The following PIK3R1 variants were observed in gnomAD, a reference collection of about 807,000 sequenced individuals.
The protein encoded by PIK3R1 is phosphoinositide-3-kinase regulatory subunit 1, also known as phosphatidylinositol 3-kinase regulatory subunit alpha.
Under a neutral mutation model 98.0 loss-of-function variants are expected in PIK3R1, and 29 were observed. That is an observed-to-expected ratio of 0.30 (90% CI 0.22 to 0.40). The LOEUF is 0.40. Ranked by LOEUF, PIK3R1 falls within the 10% of genes least tolerant of loss-of-function variation. The probability of loss-of-function intolerance (pLI) is 1.00; values close to 1 mark genes in which losing one functional copy is unlikely to be tolerated. For synonymous variants in PIK3R1, 282 were observed against 311.8 expected, an observed-to-expected ratio of 0.90 and a Z score of 1.01; for missense variants, 596 against 872.7, an observed-to-expected ratio of 0.68 and a Z score of 3.99.
At chr5:68,216,524 G>C (rs1170160645) in intron 1 of PIK3R1, among the ~76,000 whole-genome samples, 1 of 152,212 alleles carries the variant, frequency 6.6e-6, no homozygotes, top group Non-Finnish European at 1.5e-5. Context: ...CTCCTCTTCC[G>C]GGGTGGGGGA....
At chr5:68,292,649 A>G (rs1452293663) in intron 8 of PIK3R1, 1 of 1,351,302 alleles carries the variant, frequency 7.4e-7, no homozygotes, top group East Asian at 3.3e-5. Context: ...CTATCTATTA[A>G]GCACAACTCT....
chr5:68,261,854 A>G (rs538673720), intron 2 of PIK3R1, among the ~76,000 whole-genome samples: 1 of 152,326 alleles, frequency 6.6e-6, no homozygotes, highest in African/African-American at 2.4e-5. Flanking sequence ...GATAGAACAA[A>G]ATGTACAAAC....
chr5:68,237,544 C>G (rs555046176), intron 2 of PIK3R1, among the ~76,000 whole-genome samples: 2 of 150,626 alleles, frequency 1.3e-5, no homozygotes, highest in East Asian at 3.9e-4. Context: ...GCCAGCAGAA[C>G]TTCTCGAATG....
At chr5:68,259,458 A>G (rs1414335310) in intron 2 of PIK3R1, among the ~76,000 whole-genome samples, 1 of 152,218 alleles carries the variant, frequency 6.6e-6, no homozygotes, top group Non-Finnish European at 1.5e-5. Flanking sequence ...ATGAATGATC[A>G]GCTGCTAGAA....
In PIK3R1 at chr5:68,299,893, G is replaced by A; in HGVS notation, c.*2292G>A. 1 of 233,194 alleles carries A rather than the reference G, an allele frequency of 4.3e-6. No homozygotes were observed. Among genetic ancestry groups the A allele is most frequent in the Non-Finnish European group, 8.5e-6 (1 of 118,006 alleles). The allele number at this position is 233,194 out of a possible 1,614,324, so 14.4% of individuals were successfully genotyped here. A position where few individuals can be genotyped will look rare whatever the true frequency, so the allele number is the denominator to read the frequency against. On this transcript the variant is annotated 3_prime_UTR_variant, in exon 16 of 16. Coordinates refer to ENST00000521381, the MANE Select transcript of PIK3R1 (RefSeq NM_181523.3). ...ATTTCCCTCTCATCGCCAGACAACT[G>A]ACGATTTCCCTGGTTTTAGTCTGCG...
At chr5:68,244,843 T>G (rs1337684368) in intron 2 of PIK3R1, among the ~76,000 whole-genome samples, 1 of 152,210 alleles carries the variant, frequency 6.6e-6, no homozygotes, top group African/African-American at 2.4e-5. Context: ...ATCTATGATA[T>G]TCCATCTCAT....
intron 8 of PIK3R1, chr5:68,292,655 ACT>A: frequency 7.5e-7 from 1 of 1,332,118 alleles, no homozygotes; most frequent in African/African-American, 1.5e-5. Flanking sequence ...ATTAAGCACA[ACT>A]CTAAGAATTC....
rs927358569 is a variant in PIK3R1 at position 68,301,501 on chromosome 5, T to C, written c.*3900T>C. On this transcript the variant is annotated 3_prime_UTR_variant, in exon 16 of 16. Transcript: ENST00000521381. The stretch of plus-strand genomic sequence containing the variant: ...ACATATATGTATATATATGCACATA[T>C]ATATATGTATTTAAAAAAATCAAAA... 4.1e-5 allele frequency: 6 copies of C among 146,526 alleles called. No individual in the cohort carries two copies. The highest frequency in any genetic ancestry group is 1.4e-4 in the Admixed American group (2 of 14,252). The allele number at this position is 146,526 out of a possible 1,614,324, so 9.1% of individuals were successfully genotyped here. A position where few individuals can be genotyped will look rare whatever the true frequency, so the allele number is the denominator to read the frequency against.
chr5:68,230,859 G>A lies in PIK3R1; in HGVS notation c.334+3850G>A, dbSNP rs1004613094. On this transcript the variant is annotated intron_variant, in intron 2 of 15. Transcript: ENST00000521381. ...AGTAGAGCCCTATGTTATGTTCTTC[G>A]GAGAGAACCTCTTCCATGTTTTGTT... Among the ~76,000 whole-genome samples the A allele has an allele frequency of 5.9e-5, 9 of 152,144 alleles. No homozygotes were observed. In the East Asian group the frequency reaches 7.7e-4, roughly 13 times the overall value.
chr5:68,268,595 TAC>T (rs1394505088), intron 2 of PIK3R1, among the ~76,000 whole-genome samples: 1 of 152,214 alleles, frequency 6.6e-6, no homozygotes, highest in Non-Finnish European at 1.5e-5. Context: ...ACTTTGCATA[TAC>T]ACTTTCTTTT....
chr5:68,259,257 G>C (rs1377545349), intron 2 of PIK3R1, among the ~76,000 whole-genome samples: 1 of 152,062 alleles, frequency 6.6e-6, no homozygotes, highest in African/African-American at 2.4e-5. Flanking sequence ...GGATATGTGG[G>C]GTTAAATAAA....
intron 2 of PIK3R1, among the ~76,000 whole-genome samples, chr5:68,265,528 G>A (rs1353347095): frequency 6.6e-6 from 1 of 152,146 alleles, no homozygotes; most frequent in African/African-American, 2.4e-5. Flanking sequence ...TCTCACATGG[G>A]AAGGGTGGGG....
At chr5:68,243,751 G>A (rs186932054) in intron 2 of PIK3R1, among the ~76,000 whole-genome samples, 2 of 152,278 alleles carry the variant, frequency 1.3e-5, no homozygotes, top group East Asian at 3.9e-4. Flanking sequence ...GTGGATCACG[G>A]GCAGAAACAA....
At chr5:68,267,086 G>T (rs926885846) in intron 2 of PIK3R1, among the ~76,000 whole-genome samples, 2 of 152,274 alleles carry the variant, frequency 1.3e-5, no homozygotes, top group East Asian at 1.9e-4. Flanking sequence ...TATTTTTCTG[G>T]TGAGGAGAGG....
At chr5:68,263,317 G>GT (rs5868529) in intron 2 of PIK3R1, among the ~76,000 whole-genome samples, 3 of 148,558 alleles carry the variant, frequency 2.0e-5, no homozygotes, top group Admixed American at 1.3e-4. Context: ...GTGTGTTGTT[G>GT]TTTTTTTTTA....
intron 2 of PIK3R1, among the ~76,000 whole-genome samples, chr5:68,229,131 G>C (rs1026394250): frequency 1.4e-4 from 4 of 29,144 alleles, no homozygotes; most frequent in Admixed American, 6.4e-4. Flanking sequence ...GAGAGTGTTG[G>C]GGGGGGGTCA....
rs943126366 is a variant in PIK3R1 at position 68,292,727 on chromosome 5, A to G, written c.1019+366A>G. 9.4e-6 allele frequency: 12 copies of G among 1,270,922 alleles called. No individual in the cohort carries two copies. In the Admixed American group the frequency reaches 3.7e-4, roughly 39 times the overall value. The allele number at this position is 1,270,922 out of a possible 1,614,324, so 78.7% of individuals were successfully genotyped here. A position where few individuals can be genotyped will look rare whatever the true frequency, so the allele number is the denominator to read the frequency against. ...TATGTTAGCTTTGGGAAGGGGGAGT[A>G]AGGTTGGAGAAACTCTTTTGAGATC... On this transcript the variant is annotated intron_variant, in intron 8 of 15. Coordinates refer to ENST00000521381, the MANE Select transcript of PIK3R1 (RefSeq NM_181523.3).
rs2112258725 is a variant in PIK3R1 at position 68,293,402 on chromosome 5, C to G, written c.1218C>G (p.Asn406Lys). 3.7e-6 allele frequency: 6 copies of G among 1,613,420 alleles called. No homozygotes were observed. Among genetic ancestry groups the G allele is most frequent in the Non-Finnish European group, 4.2e-6 (5 of 1,179,460 alleles). ...TCAGTTCTGTGGTTGAATTAATAAA[C>G]CACTACCGGAATGAATCTCTAGCTC... is the stretch of plus-strand genomic sequence containing the variant. ...LTFSSVVELI[N>K]HYRNESLAQY... is the part of the protein sequence containing the mutation. Residue 406 changes from asparagine to lysine, a missense_variant, in exon 10 of 16, where the codon AAC (asparagine) becomes AAG (lysine). By Grantham distance (94) the Asn-to-Lys change is moderately conservative. This residue lies in a region of PIK3R1 where 37 missense variants were observed against 118.0 expected (regional missense o/e 0.31). Transcript: ENST00000521381.
rs143920253 is a variant in PIK3R1, at chr5:68,288,636, G to C, written c.917-3623G>C. ...GCACTGCCTGCCGGGAACAGGCTGG[G>C]GGGAGGTGCGGGGGCTTGGCCCACT... On this transcript the variant is annotated intron_variant, in intron 7 of 15. Transcript: ENST00000521381. 22 of 1,597,322 alleles carry C rather than the reference G, an allele frequency of 1.4e-5. No homozygotes were observed. The East Asian group carries it at 4.2e-4, about 31-fold the overall frequency.
Sources: gnomAD v4.1 joint callset for allele counts (sites outside exome capture counted in the v4.1 genomes callset) on GRCh38, gnomAD v4.1.1 for gene constraint, gnomAD v4.1.1 regional missense constraint, MANE v1.5 for transcripts, NCBI Gene and HGNC (gene_info 2026-07-23, HGNC 2026-07-21) for gene names.